Variants in ROBO1 observed in about 807,000 individuals in gnomAD.
The protein encoded by ROBO1 is roundabout homolog 1.
A neutral mutation model predicts 195.9 loss-of-function variants in ROBO1; 149 were observed. The ratio of observed to expected loss-of-function variants is 0.76; its 90% CI spans 0.67 to 0.87. ROBO1 has a LOEUF of 0.87. Among genes scored for constraint, ROBO1 ranks in the 40% least tolerant of loss-of-function variants. The pLI is 0.00. For missense variants in ROBO1, 1,933 were observed against 2,068.3 expected (o/e 0.93, Z 1.27); for synonymous variants, 816 against 733.2 (o/e 1.11, Z -1.82).
chr3:79,236,358 G>A (rs1246554698), intron 2 of ROBO1, among the ~76,000 whole-genome samples: 6 of 152,030 alleles, frequency 3.9e-5, no homozygotes, highest in African/African-American at 1.2e-4. Context: ...TGTTCAATGT[G>A]TGCCAATTAC....
At chr3:78,643,575 G>A (rs1326796878) in intron 21 of ROBO1, among the ~76,000 whole-genome samples, 1 of 152,138 alleles carries the variant, frequency 6.6e-6, no homozygotes, top group Non-Finnish European at 1.5e-5. Flanking sequence ...TGACACAGTG[G>A]ATTGTAGGGT....
intron 3 of ROBO1, among the ~76,000 whole-genome samples, chr3:79,107,567 C>T (rs990649354): frequency 6.6e-6 from 1 of 151,564 alleles, no homozygotes; most frequent in Non-Finnish European, 1.5e-5. Context: ...AGAATTTGCT[C>T]GCTGTGATTA....
At chr3:78,916,037 G>A (rs756716003) in intron 4 of ROBO1, among the ~76,000 whole-genome samples, 1 of 147,802 alleles carries the variant, frequency 6.8e-6, no homozygotes, top group Non-Finnish European at 1.5e-5. Context: ...GGATCACGAG[G>A]TCAGGAAATC....
intron 4 of ROBO1, among the ~76,000 whole-genome samples, chr3:78,797,185 T>G (rs535814896): frequency 1.3e-5 from 2 of 152,188 alleles, no homozygotes; most frequent in African/African-American, 2.4e-5. Flanking sequence ...CGTACCTGCA[T>G]GTTTAAATGA....
chr3:79,257,692 C>T (rs1174195203), intron 2 of ROBO1, among the ~76,000 whole-genome samples: 1 of 152,022 alleles, frequency 6.6e-6, no homozygotes, highest in Non-Finnish European at 1.5e-5. Context: ...GGACAAGGAG[C>T]TCAGAAAGAT....
intron 1 of ROBO1, among the ~76,000 whole-genome samples, chr3:79,765,159 A>G (rs967125468): frequency 2.0e-5 from 3 of 152,206 alleles, no homozygotes; most frequent in African/African-American, 4.8e-5. Flanking sequence ...TTGTGCTTCA[A>G]TTCTGCAGCT....
At chr3:79,316,541 T>TG (rs2033745267) in intron 2 of ROBO1, among the ~76,000 whole-genome samples, 1 of 152,002 alleles carries the variant, frequency 6.6e-6, no homozygotes, top group Admixed American at 6.6e-5. Context: ...GTGGATGAGG[T>TG]GGGGGGAACT....
chr3:79,031,685 C>T (rs530529059), intron 3 of ROBO1, among the ~76,000 whole-genome samples: 101 of 152,168 alleles, frequency 6.6e-4, no homozygotes, highest in African/African-American at 2.3e-3. Flanking sequence ...ACACATAAAG[C>T]GCTTGTAACG....
chr3:79,706,511 A>G (rs1395668858), intron 1 of ROBO1, among the ~76,000 whole-genome samples: 1 of 152,110 alleles, frequency 6.6e-6, no homozygotes, highest in East Asian at 1.9e-4. Flanking sequence ...TGTAATAGAT[A>G]TGGTTTGGCT....
intron 2 of ROBO1, among the ~76,000 whole-genome samples, chr3:79,513,779 T>C (rs1315195735): frequency 6.6e-6 from 1 of 152,176 alleles, no homozygotes; most frequent in Non-Finnish European, 1.5e-5. Flanking sequence ...AACTTCATTA[T>C]AACAGTGATT....
chr3:79,630,822 C>T (rs9880659), intron 1 of ROBO1, among the ~76,000 whole-genome samples: 45,237 of 151,730 alleles, frequency 0.3, 8,419 homozygotes, highest in African/African-American at 0.53. Context: ...AGTAACATTT[C>T]TATACACCAA....
intron 1 of ROBO1, among the ~76,000 whole-genome samples, chr3:79,758,508 T>C (rs773791196): frequency 1.3e-5 from 2 of 152,160 alleles, no homozygotes; most frequent in Non-Finnish European, 2.9e-5. Context: ...TAAAGGGTAA[T>C]ACAGGTAAGT....
At chr3:79,480,859 C>T (rs1009210415) in intron 2 of ROBO1, among the ~76,000 whole-genome samples, 1 of 152,068 alleles carries the variant, frequency 6.6e-6, no homozygotes, top group East Asian at 1.9e-4. Flanking sequence ...ATCACTATTA[C>T]ATATGATTTC....
At chr3:79,183,080 C>CAAAAAAAAAAA (rs1304597488) in intron 2 of ROBO1, among the ~76,000 whole-genome samples, 687 of 64,668 alleles carry the variant, frequency 0.011, 28 homozygotes, top group African/African-American at 0.032. Context: ...GACTCCAACT[C>CAAAAAAAAAAA]AAAAAAAAAA....
intron 1 of ROBO1, among the ~76,000 whole-genome samples, chr3:79,629,508 G>T (rs759648275): frequency 4.0e-5 from 6 of 151,874 alleles, no homozygotes; most frequent in South Asian, 2.1e-4. Context: ...TAAGAGGAGG[G>T]TTTATAGCAT....
chr3:78,965,184 T>C (rs999201526), intron 3 of ROBO1, among the ~76,000 whole-genome samples: 6 of 152,052 alleles, frequency 3.9e-5, no homozygotes, highest in African/African-American at 9.7e-5. Flanking sequence ...ATATATACTA[T>C]ATACTTTCTG....
At chr3:79,654,175 T>A (rs1404572058) in intron 1 of ROBO1, among the ~76,000 whole-genome samples, 3 of 152,012 alleles carry the variant, frequency 2.0e-5, no homozygotes, top group African/African-American at 7.2e-5. Flanking sequence ...AGTTTATGGA[T>A]GTAACATGAG....
chr3:78,739,958 T>C (rs2082484430), intron 5 of ROBO1, among the ~76,000 whole-genome samples: 1 of 152,164 alleles, frequency 6.6e-6, no homozygotes, highest in South Asian at 2.1e-4. Flanking sequence ...AAAAATGTTA[T>C]GAGTCAAAAA....
chr3:79,049,767 T>C (rs2078661868), intron 3 of ROBO1, among the ~76,000 whole-genome samples: 1 of 152,148 alleles, frequency 6.6e-6, no homozygotes. Context: ...GAAATGAATT[T>C]TTAACCCAGA....
Sources: gnomAD v4.1 joint callset for allele counts (sites outside exome capture counted in the v4.1 genomes callset) on GRCh38, gnomAD v4.1.1 for gene constraint, MANE v1.5 for transcripts, NCBI Gene and HGNC (gene_info 2026-07-23, HGNC 2026-07-21) for gene names.